The following LSP1 variants were observed in gnomAD, a reference collection of about 807,000 sequenced individuals.
LSP1 encodes lymphocyte-specific protein 1.
LSP1 carries 32 observed loss-of-function variants against 49.3 expected under a neutral mutation model. That is an observed-to-expected ratio of 0.65 (90% CI 0.49 to 0.87). The LOEUF (loss-of-function observed/expected upper bound fraction) is 0.87, where lower values mean the gene tolerates loss of function less well. Among genes scored for constraint, LSP1 ranks in the 40% least tolerant of loss-of-function variants. The probability of loss-of-function intolerance (pLI) is 0.00; values close to 1 mark genes in which losing one functional copy is unlikely to be tolerated. For missense variants in LSP1, 428 were observed against 442.6 expected (o/e 0.97, Z 0.30); for synonymous variants, 179 against 178.8 (o/e 1.00, Z -0.01).
rs1589829402 is a variant in LSP1, at chr11:1,883,538, G to A, written c.476G>A (p.Gly159Glu). The change falls in exon 4 of 11, where the codon GGG becomes GAG. Residue 159 changes from glycine to glutamate, a missense_variant. Transcript: ENST00000311604. ...DTVQDNLGAA[G>E]AEEEQEEHQK... ...GTCCAGGACAACCTGGGGGCCGCAG[G>A]GGCTGAGGAGGAACAGGAGGAGGTG... The A allele has an allele frequency of 1.2e-5, 20 of 1,612,720 alleles. No individual in the cohort carries two copies. The highest frequency in any genetic ancestry group is 1.7e-5 in the Non-Finnish European group (20 of 1,179,660).
chr11:1,880,311 G>C, intron 2 of LSP1, 87 bp downstream of exon 2: 2 of 1,406,126 alleles, frequency 1.4e-6, no homozygotes, highest in South Asian at 3.1e-5. Flanking sequence ...AAGGGCCTGG[G>C]CTTGGGGGTT....
At position 1,866,884 on chromosome 11, in the gene LSP1, G is replaced by T. The variant is rs1025876594; in HGVS notation, c.54-13203G>T. 6 of 1,531,232 alleles carry T rather than the reference G, an allele frequency of 3.9e-6. No homozygotes were observed. In the Admixed American group the frequency reaches 6.0e-5, roughly 15 times the overall value. 94.9% of individuals were successfully genotyped at this position (1,531,232 alleles called of 1,614,324 possible). A position where few individuals can be genotyped will look rare whatever the true frequency, so the allele number is the denominator to read the frequency against. The stretch of plus-strand genomic sequence containing the variant: ...GGGCTCGGCCATGAGCATCCGTCCA[G>T]CGGGCCCAGCACCAACTGCAGCCCC... On this transcript the variant is annotated intron_variant, in intron 1 of 10. Coordinates refer to ENST00000311604, the MANE Select transcript of LSP1 (RefSeq NM_002339.3).
At chr11:1,879,979 C>G in intron 1 of LSP1, 108 bp from the exon 2 acceptor site, 1 of 1,368,840 alleles carries the variant, frequency 7.3e-7, no homozygotes, top group Non-Finnish European at 1.0e-6. Flanking sequence ...GTGGACAGGG[C>G]TGCCTGCACC....
At chr11:1,861,780 T>C (rs1249555789) in intron 1 of LSP1, among the ~76,000 whole-genome samples, 1 of 150,744 alleles carries the variant, frequency 6.6e-6, no homozygotes, top group African/African-American at 2.5e-5. Context: ...GATGGATGGA[T>C]GGGTGGATGG....
In LSP1 at chr11:1,884,259, G is replaced by C; in HGVS notation, c.592-21G>C. The C allele has an allele frequency of 1.2e-6, 2 of 1,613,978 alleles. No individual in the cohort carries two copies. The highest frequency in any genetic ancestry group is 1.1e-5 in the South Asian group (1 of 91,074). Reference sequence around the variant, plus strand: ...TTTACCTCGGCTGCTGCAGGCCTGTGTCTCTCTCCACCCTCTGCAGCTCAT... The same window carrying C: ...TTTACCTCGGCTGCTGCAGGCCTGTCTCTCTCTCCACCCTCTGCAGCTCAT... On this transcript the variant is annotated intron_variant, in intron 5 of 10. Transcript: ENST00000311604. This position sits in a 1 kb window ranked among gnomAD's most constrained non-coding sequence, Gnocchi z 4.1.
intron 1 of LSP1, chr11:1,871,126 C>T (rs534576916): frequency 8.7e-5 from 86 of 985,542 alleles, no homozygotes; most frequent in East Asian, 1.1e-4. Context: ...TCGCCTCGCT[C>T]GTGGCACGGG....
intron 1 of LSP1, chr11:1,869,088 G>T: frequency 2.3e-6 from 2 of 868,908 alleles, no homozygotes; most frequent in Non-Finnish European, 2.8e-6. Flanking sequence ...CCCCTGGATG[G>T]GGCGGGGACC....
rs1847400154 is a variant in LSP1, at chr11:1,853,085, C to T, written c.-60C>T. Reference sequence around the variant, plus strand: ...CCGCCCCAGAAAGCACTGAAAGCCACAGCACGTACACCCACTCCAGGGATC... The same window carrying T: ...CCGCCCCAGAAAGCACTGAAAGCCATAGCACGTACACCCACTCCAGGGATC... On this transcript the variant is annotated 5_prime_UTR_variant, in exon 1 of 11. Coordinates refer to ENST00000311604, the MANE Select transcript of LSP1 (RefSeq NM_002339.3). 6.4e-7 allele frequency: 1 copy of T among 1,557,984 alleles called. No individual in the cohort carries two copies. Among genetic ancestry groups the T allele is most frequent in the Non-Finnish European group, 8.7e-7 (1 of 1,144,344 alleles).
chr11:1,881,255 T>G (rs620330), intron 2 of LSP1, 177 bp from the exon 3 acceptor site: 24 of 586,004 alleles, frequency 4.1e-5, no homozygotes, highest in Non-Finnish European at 6.6e-5. Flanking sequence ...GGGGGAGGCA[T>G]AGCCCTGCCC....
At chr11:1,889,236 G>A in intron 10 of LSP1, 1 of 674,098 alleles carries the variant, frequency 1.5e-6, no homozygotes. Flanking sequence ...AGGGGGCCGG[G>A]TGGCCTCCTG....
chr11:1,857,524 G>A (rs1164009946), intron 1 of LSP1, among the ~76,000 whole-genome samples: 3 of 152,206 alleles, frequency 2.0e-5, no homozygotes, highest in Admixed American at 2.0e-4. Context: ...GTGAGGGGTG[G>A]GGGCGTGAGC....
At chr11:1,885,821 A>G (rs1157050287) in intron 7 of LSP1, among the ~76,000 whole-genome samples, 2 of 152,024 alleles carry the variant, frequency 1.3e-5, no homozygotes, top group Admixed American at 6.6e-5. Flanking sequence ...CCCTCCATCC[A>G]TACTTTACTC....
At position 1,853,213 on chromosome 11, in the gene LSP1, G is replaced by T. The variant is rs745702506; in HGVS notation, c.53+16G>T. The T allele has an allele frequency of 6.2e-7, 1 of 1,605,550 alleles. No homozygotes were observed. Among genetic ancestry groups the T allele is most frequent in the Non-Finnish European group, 8.5e-7 (1 of 1,178,046 alleles). ...AGTTGCTGGGGTAAGGGTCTGCGGC[G>T]ACGCCCGGCGCCCTGTGCCGTGTCC... On this transcript the variant is annotated intron_variant, in intron 1 of 10. Coordinates refer to ENST00000311604, the MANE Select transcript of LSP1 (RefSeq NM_002339.3).
intron 10 of LSP1, chr11:1,889,840 G>A (rs765247059): frequency 9.6e-5 from 61 of 634,234 alleles, no homozygotes; most frequent in Middle Eastern, 2.5e-4. Flanking sequence ...GGTGGCGGCC[G>A]TGGTACAGGG....
intron 1 of LSP1, chr11:1,870,428 G>A (rs1235574145): frequency 7.4e-6 from 9 of 1,214,192 alleles, no homozygotes; most frequent in Non-Finnish European, 8.5e-6. Flanking sequence ...GCACCCCCAG[G>A]GATGATGAGT....
At chr11:1,875,746 C>T (rs1357584816) in intron 1 of LSP1, among the ~76,000 whole-genome samples, 2 of 152,178 alleles carry the variant, frequency 1.3e-5, no homozygotes, top group Non-Finnish European at 2.9e-5. Flanking sequence ...TGGGCCAGCA[C>T]CAGGCGTTGG....
At chr11:1,858,111 G>C (rs561387427) in intron 1 of LSP1, among the ~76,000 whole-genome samples, 26 of 152,302 alleles carry the variant, frequency 1.7e-4, no homozygotes, top group African/African-American at 6.0e-4. Context: ...CTGTGAGGCA[G>C]GTCCCTGGAG....
Position 1,886,741 on chromosome 11 carries a change from C to G in LSP1, c.727C>G (p.Arg243Gly). Residue 243 changes from arginine (R) to glycine (G), a missense_variant, in exon 8 of 11, where the codon CGG becomes GGG. By Grantham distance (125) the Arg-to-Gly change is moderately radical. Coordinates refer to ENST00000311604, the MANE Select transcript of LSP1 (RefSeq NM_002339.3). Reference protein sequence around the residue: ...QYTQAIETAGRTPKLARQASI... With the variant: ...QYTQAIETAGGTPKLARQASI... ...TTTTCCTCCTCTGCAGACCGCTGGC[C>G]GGACCCCCAAGCTAGCCCGCCAGGC... 6.2e-7 allele frequency: 1 copy of G among 1,610,106 alleles called. No individual in the cohort carries two copies. Among genetic ancestry groups the G allele is most frequent in the Non-Finnish European group, 8.5e-7 (1 of 1,178,492 alleles).
intron 1 of LSP1, chr11:1,866,935 C>A: frequency 6.7e-7 from 1 of 1,484,330 alleles, no homozygotes; most frequent in Non-Finnish European, 9.0e-7. Context: ...ACTCAGGAGG[C>A]ACTGAAACCG....
Sources: allele counts gnomAD v4.1 joint callset (sites outside exome capture counted in the v4.1 genomes callset), GRCh38; gene constraint gnomAD v4.1.1; non-coding constraint Gnocchi (gnomAD v3.1); transcripts MANE v1.5; gene names NCBI Gene and HGNC (gene_info 2026-07-23, HGNC 2026-07-21).